The following BCHE variants were observed in gnomAD, a reference collection of about 807,000 sequenced individuals.
BCHE encodes the protein butyrylcholinesterase.
In BCHE, 48 loss-of-function variants were observed where a neutral mutation model predicts 51.3. The ratio of observed to expected loss-of-function variants is 0.94; its 90% CI spans 0.74 to 1.19. BCHE has a LOEUF of 1.19. BCHE is among the 50% of genes most tolerant of loss of function. The pLI, the probability that BCHE is intolerant of heterozygous loss-of-function variation, is 0.00. For synonymous variants in BCHE, 251 were observed against 238.0 expected (o/e 1.05, Z -0.50); for missense variants, 847 against 708.2 (o/e 1.20, Z -2.23).
rs1427205273 is a variant in BCHE, at chr3:165,786,125, A to G, written c.1684+20T>C. The G allele has an allele frequency of 6.2e-7, 1 of 1,607,498 alleles. No individual in the cohort carries two copies. The highest frequency in any genetic ancestry group is 8.5e-7 in the Non-Finnish European group (1 of 1,174,856). ...TAACCCATCATCTATTAAATAACCA[A>G]ACACTAAAAACAGACACACCTGTCA... On this transcript the variant is annotated intron_variant, in intron 3 of 3. Coordinates refer to ENST00000264381, the MANE Select transcript of BCHE (RefSeq NM_000055.4).
At chr3:165,823,821 G>A (rs1036424056) in intron 2 of BCHE, among the ~76,000 whole-genome samples, 1 of 151,896 alleles carries the variant, frequency 6.6e-6, no homozygotes, top group African/African-American at 2.4e-5. Context: ...GCAGTGCCCT[G>A]ATCATAGTCC....
chr3:165,830,078 C>A lies in BCHE; in HGVS notation c.956G>T (p.Gly319Val), dbSNP rs1054531223. ...PYGTPLSVNF[G>V]PTVDGDFLTD... ...GAGAAAATCACCATCCACGGTCGGA[C>A]CAAAGTTTACTGACAAAGGAGTCCC... The change falls in exon 2 of 4, where the codon GGT becomes GTT. Residue 319 changes from glycine to valine, a missense_variant. Gly to Val is a moderately radical substitution (Grantham distance 109). Coordinates refer to ENST00000264381, the MANE Select transcript of BCHE (RefSeq NM_000055.4). 6.2e-7 allele frequency: 1 copy of A among 1,613,490 alleles called. No homozygotes were observed. The highest frequency in any genetic ancestry group is 1.7e-5 in the Admixed American group (1 of 59,864).
chr3:165,788,367 G>T (rs1214981238), intron 2 of BCHE, among the ~76,000 whole-genome samples: 1 of 151,952 alleles, frequency 6.6e-6, no homozygotes, highest in East Asian at 1.9e-4. Context: ...AATTTAATAA[G>T]AATTATTAAT....
At chr3:165,782,963 A>G (rs1712765845) in intron 3 of BCHE, among the ~76,000 whole-genome samples, 1 of 152,108 alleles carries the variant, frequency 6.6e-6, no homozygotes, top group African/African-American at 2.4e-5. Flanking sequence ...CTTAGTGGTT[A>G]GGATGTCAAC....
chr3:165,782,671 A>G (rs1712754550), intron 3 of BCHE, among the ~76,000 whole-genome samples: 1 of 152,152 alleles, frequency 6.6e-6, no homozygotes, highest in Admixed American at 6.6e-5. Flanking sequence ...ATAACAAAAC[A>G]TCATACACTG....
intron 2 of BCHE, among the ~76,000 whole-genome samples, chr3:165,789,156 A>G (rs1230534033): frequency 6.6e-6 from 1 of 152,150 alleles, no homozygotes; most frequent in Non-Finnish European, 1.5e-5. Flanking sequence ...AAAACTTTCC[A>G]TGAAGTTGTA....
chr3:165,808,023 G>A (rs1273776807), intron 2 of BCHE, among the ~76,000 whole-genome samples: 1 of 150,524 alleles, frequency 6.6e-6, no homozygotes, highest in Non-Finnish European at 1.5e-5. Flanking sequence ...TCGCTCTGTC[G>A]CCCAGGCTGC....
intron 2 of BCHE, among the ~76,000 whole-genome samples, chr3:165,813,031 T>C (rs143001442): frequency 2.0e-3 from 288 of 147,154 alleles, no homozygotes; most frequent in African/African-American, 6.8e-3. Context: ...TACTTTTGGT[T>C]TGAAGCATTC....
At chr3:165,790,796 G>T (rs1256374591) in intron 2 of BCHE, among the ~76,000 whole-genome samples, 1 of 151,536 alleles carries the variant, frequency 6.6e-6, no homozygotes, top group Non-Finnish European at 1.5e-5. Context: ...GGAAAACAAA[G>T]ATCATGAGAA....
chr3:165,832,338 G>A (rs986913656), intron 1 of BCHE, among the ~76,000 whole-genome samples: 5 of 152,132 alleles, frequency 3.3e-5, no homozygotes, highest in Non-Finnish European at 1.5e-5. Flanking sequence ...CTGTCGCCAA[G>A]CTAGAGTGCA....
At chr3:165,798,003 C>T (rs1713485907) in intron 2 of BCHE, among the ~76,000 whole-genome samples, 2 of 152,116 alleles carry the variant, frequency 1.3e-5, no homozygotes, top group South Asian at 4.1e-4. Context: ...GACTTTATAT[C>T]ACTATTCACT....
At chr3:165,822,524 G>A (rs1714569230) in intron 2 of BCHE, among the ~76,000 whole-genome samples, 1 of 152,026 alleles carries the variant, frequency 6.6e-6, no homozygotes, top group Admixed American at 6.6e-5. Context: ...GGAATTTTAA[G>A]TAGCTTACCT....
chr3:165,786,386 C>T, intron 2 of BCHE, 75 bp from the exon 3 acceptor site: 1 of 1,354,120 alleles, frequency 7.4e-7, no homozygotes, highest in South Asian at 1.3e-5. Context: ...TTTTCTAACA[C>T]TGTTCACAAG....
At chr3:165,786,812 C>A (rs1244321233) in intron 2 of BCHE, among the ~76,000 whole-genome samples, 1 of 151,728 alleles carries the variant, frequency 6.6e-6, no homozygotes, top group African/African-American at 2.4e-5. Context: ...CTCCAGGAAA[C>A]TTCTTTCAGT....
At chr3:165,791,117 A>C (rs1713147430) in intron 2 of BCHE, among the ~76,000 whole-genome samples, 1 of 152,046 alleles carries the variant, frequency 6.6e-6, no homozygotes, top group Non-Finnish European at 1.5e-5. Context: ...CAACATGGTG[A>C]AACCCCGTCT....
chr3:165,831,170 C>T, intron 1 of BCHE, 129 bp from the exon 2 acceptor site: 2 of 812,124 alleles, frequency 2.5e-6, no homozygotes, highest in South Asian at 3.6e-5. Flanking sequence ...AAACCTGCTT[C>T]TGTAAAGGCC....
chr3:165,785,995 T>C, intron 3 of BCHE, 150 bp downstream of exon 3: 2 of 784,998 alleles, frequency 2.5e-6, no homozygotes, highest in South Asian at 1.6e-5. Context: ...TAGAAGAAAG[T>C]CTTAAAAATA....
intron 2 of BCHE, among the ~76,000 whole-genome samples, chr3:165,825,341 TA>T (rs11323460): frequency 0.95 from 143,950 of 151,994 alleles, 68,230 homozygotes; most frequent in Non-Finnish European, 0.97. Flanking sequence ...TGAATGTAAA[TA>T]ATATTATGAA....
At chr3:165,810,711 G>T (rs1714061343) in intron 2 of BCHE, among the ~76,000 whole-genome samples, 1 of 152,148 alleles carries the variant, frequency 6.6e-6, no homozygotes, top group Non-Finnish European at 1.5e-5. Context: ...CATTTGAAAT[G>T]AATGGTAAGT....
Sources: gnomAD v4.1 joint callset for allele counts (sites outside exome capture counted in the v4.1 genomes callset) on GRCh38, gnomAD v4.1.1 for gene constraint, MANE v1.5 for transcripts, NCBI Gene and HGNC (gene_info 2026-07-23, HGNC 2026-07-21) for gene names.